COL21A1: variants seen among roughly 807,000 people sequenced by gnomAD.
The protein encoded by COL21A1 is collagen alpha-1(XXI) chain.
COL21A1 carries 149 observed loss-of-function variants against 137.9 expected under a neutral mutation model. The observed-to-expected ratio is 1.08, with a 90% confidence interval of 0.95 to 1.24. The LOEUF (loss-of-function observed/expected upper bound fraction) is 1.24, where lower values mean the gene tolerates loss of function less well. Ranked by LOEUF, COL21A1 falls within the 50% of genes most tolerant of loss-of-function variation. The pLI, the probability that COL21A1 is intolerant of heterozygous loss-of-function variation, is 0.00. For synonymous variants in COL21A1, 456 were observed against 391.5 expected, an observed-to-expected ratio of 1.16 and a Z score of -1.95; for missense variants, 1,167 against 1,158.4, an observed-to-expected ratio of 1.01 and a Z score of -0.11.
intron 1 of COL21A1, among the ~76,000 whole-genome samples, chr6:56,362,996 C>T (rs1766010149): frequency 6.6e-6 from 1 of 152,196 alleles, no homozygotes; most frequent in South Asian, 2.1e-4. Context: ...GAATCTCCAT[C>T]AGGGCCAGGC....
At chr6:56,287,710 G>A (rs1043603405) in intron 1 of COL21A1, among the ~76,000 whole-genome samples, 1 of 152,074 alleles carries the variant, frequency 6.6e-6, no homozygotes, top group African/African-American at 2.4e-5. Flanking sequence ...TTATAGCAAT[G>A]TGAGAATGGA....
chr6:56,379,229 A>G (rs1013824879), intron 1 of COL21A1, among the ~76,000 whole-genome samples: 13 of 152,228 alleles, frequency 8.5e-5, no homozygotes, highest in African/African-American at 3.1e-4. Context: ...ACCAAATGCA[A>G]TAAGGCACCA....
rs1562028853 is a variant in COL21A1, at chr6:56,260,647, GGA to G, written c.-38-77993_-38-77992del. Among the ~76,000 whole-genome samples, 29 of 58,774 alleles carry G rather than the reference GGA, an allele frequency of 4.9e-4. 1 individual carries two copies. Among genetic ancestry groups the G allele is most frequent in the Admixed American group, 8.5e-4 (6 of 7,082 alleles). 38.6% of individuals were successfully genotyped at this position (58,774 alleles called of 152,430 possible). ...AGAGAGGAAGGAAGGAAGGAAGGAA[GGA>G]AGGAAGGAATGAAGGAAGGAAGGAA... On this transcript the variant is annotated intron_variant, in intron 1 of 28. Transcript: ENST00000370819.
intron 1 of COL21A1, among the ~76,000 whole-genome samples, chr6:56,198,698 T>C (rs1209944435): frequency 6.6e-6 from 1 of 152,106 alleles, no homozygotes; most frequent in Non-Finnish European, 1.5e-5. Flanking sequence ...TTCAGATCTA[T>C]TTCACATGTC....
chr6:56,144,943 T>C (rs914253800), intron 10 of COL21A1, among the ~76,000 whole-genome samples: 1 of 152,232 alleles, frequency 6.6e-6, no homozygotes, highest in Non-Finnish European at 1.5e-5. Context: ...ACTTCACTTT[T>C]GAAAAGAAAC....
At chr6:56,222,244 G>C (rs1040211784) in intron 1 of COL21A1, among the ~76,000 whole-genome samples, 1 of 152,058 alleles carries the variant, frequency 6.6e-6, no homozygotes, top group Non-Finnish European at 1.5e-5. Flanking sequence ...TTGCACTCTA[G>C]CCTTGGCAAC....
intron 1 of COL21A1, among the ~76,000 whole-genome samples, chr6:56,236,395 A>C (rs1366644971): frequency 1.3e-5 from 2 of 152,036 alleles, no homozygotes; most frequent in African/African-American, 4.8e-5. Context: ...GGTGTTTGGT[A>C]TTGGAAACTA....
intron 1 of COL21A1, among the ~76,000 whole-genome samples, chr6:56,382,887 G>T (rs1415992367): frequency 6.6e-6 from 1 of 152,112 alleles, no homozygotes; most frequent in African/African-American, 2.4e-5. Context: ...AGAGGCTCTG[G>T]TGCTTCTGCC....
At chr6:56,107,331 A>G (rs1290545167) in intron 16 of COL21A1, among the ~76,000 whole-genome samples, 1 of 152,102 alleles carries the variant, frequency 6.6e-6, no homozygotes, top group African/African-American at 2.4e-5. Context: ...GAAGACAAAT[A>G]AATTTCAATA....
At chr6:56,265,991 C>T (rs548762577) in intron 1 of COL21A1, among the ~76,000 whole-genome samples, 111 of 152,260 alleles carry the variant, frequency 7.3e-4, no homozygotes, top group African/African-American at 2.6e-3. Context: ...GGCCCATGAA[C>T]CCTGCCTCAG....
chr6:56,228,391 A>G (rs1781343589), intron 1 of COL21A1, among the ~76,000 whole-genome samples: 1 of 151,748 alleles, frequency 6.6e-6, no homozygotes, highest in African/African-American at 2.4e-5. Context: ...GTTTGATTGC[A>G]GTGGACAGGA....
At chr6:56,224,676 C>T (rs745466367) in intron 1 of COL21A1, among the ~76,000 whole-genome samples, 2 of 151,962 alleles carry the variant, frequency 1.3e-5, no homozygotes, top group African/African-American at 4.8e-5. Context: ...ACAAAAACAT[C>T]GACATTATGG....
intron 1 of COL21A1, among the ~76,000 whole-genome samples, chr6:56,392,460 T>G (rs1474063100): frequency 6.6e-6 from 1 of 152,186 alleles, no homozygotes; most frequent in Non-Finnish European, 1.5e-5. Flanking sequence ...TTTTCACTAC[T>G]GTTTTTTCAA....
chr6:56,382,559 T>G (rs1378938457), intron 1 of COL21A1, among the ~76,000 whole-genome samples: 1 of 152,064 alleles, frequency 6.6e-6, no homozygotes, highest in Non-Finnish European at 1.5e-5. Flanking sequence ...AGGAGGTAAT[T>G]GTGGCTAAAT....
rs1380461133 is a variant in COL21A1 at position 56,287,508 on chromosome 6, T to TG, written c.-38-104853dup. On this transcript the variant is annotated intron_variant, in intron 1 of 28. Transcript: ENST00000370819. Reference sequence around the variant, plus strand: ...CTCATGAGATCTGGTTATTTACAAGTGTATAGCACCTCCCCCTTCTCTCTT... The same window carrying TG: ...CTCATGAGATCTGGTTATTTACAAGTGGTATAGCACCTCCCCCTTCTCTCTT... Among the ~76,000 whole-genome samples, 12 of 152,014 alleles carry TG rather than the reference T, an allele frequency of 7.9e-5. 1 individual carries two copies. Among genetic ancestry groups the TG allele is most frequent in the Admixed American group, 5.2e-4 (8 of 15,254 alleles).
chr6:56,347,296 T>C (rs6921022), intron 1 of COL21A1, among the ~76,000 whole-genome samples: 4,666 of 152,010 alleles, frequency 0.031, 116 homozygotes, highest in Non-Finnish European at 0.048. Flanking sequence ...TCCCCCAACC[T>C]TTCTGGGTGT....
chr6:56,288,646 G>A (rs954009527), intron 1 of COL21A1, among the ~76,000 whole-genome samples: 1 of 152,184 alleles, frequency 6.6e-6, no homozygotes, highest in African/African-American at 2.4e-5. Context: ...CTGTCACTCA[G>A]TATCTGTTTG....
intron 9 of COL21A1, among the ~76,000 whole-genome samples, chr6:56,159,695 T>G (rs1483919751): frequency 6.6e-6 from 1 of 151,304 alleles, no homozygotes; most frequent in East Asian, 1.9e-4. Context: ...AATAACTACT[T>G]TTTGTCTGAT....
chr6:56,364,764 GGAAA>G, intron 1 of COL21A1, among the ~76,000 whole-genome samples: 1 of 129,524 alleles, frequency 7.7e-6, no homozygotes, highest in African/African-American at 3.2e-5. Flanking sequence ...AAAGAGCCCA[GGAAA>G]AAAAAAAAAA....
Sources: gnomAD v4.1 joint callset for allele counts (sites outside exome capture counted in the v4.1 genomes callset) on GRCh38, gnomAD v4.1.1 for gene constraint, MANE v1.5 for transcripts, NCBI Gene and HGNC (gene_info 2026-07-23, HGNC 2026-07-21) for gene names.